CSMD3: variants seen among roughly 807,000 people sequenced by gnomAD.
The protein encoded by CSMD3 is CUB and sushi domain-containing protein 3.
Under a neutral mutation model 435.2 loss-of-function variants are expected in CSMD3, and 177 were observed. That is an observed-to-expected ratio of 0.41 (90% confidence interval 0.36 to 0.46). CSMD3 has a LOEUF of 0.46. Ranked by LOEUF, CSMD3 falls within the 20% of genes least tolerant of loss-of-function variation. CSMD3 has a pLI of 0.34. For missense variants in CSMD3, 4,265 were observed against 4,504.6 expected (o/e 0.95, Z 1.52); for synonymous variants, 1,656 against 1,520.5 (o/e 1.09, Z -2.07).
At chr8:112,405,247 A>AC (rs1831738274) in intron 35 of CSMD3, among the ~76,000 whole-genome samples, 2 of 116,860 alleles carry the variant, frequency 1.7e-5, no homozygotes, top group African/African-American at 4.4e-5. Flanking sequence ...ATATATATAT[A>AC]CATATATATA....
intron 12 of CSMD3, among the ~76,000 whole-genome samples, chr8:112,826,545 C>T (rs958844058): frequency 6.6e-6 from 1 of 152,148 alleles, no homozygotes; most frequent in Non-Finnish European, 1.5e-5. Context: ...CACACTCCCT[C>T]ACCACCTCCC....
intron 2 of CSMD3, among the ~76,000 whole-genome samples, chr8:113,289,733 G>T (rs966228358): frequency 6.6e-6 from 1 of 151,468 alleles, no homozygotes; most frequent in Non-Finnish European, 1.5e-5. Context: ...TAATTTTACT[G>T]TATTTCTTTA....
intron 38 of CSMD3, among the ~76,000 whole-genome samples, chr8:112,355,608 T>G (rs993120438): frequency 7.2e-5 from 11 of 152,112 alleles, no homozygotes; most frequent in African/African-American, 2.4e-4. Flanking sequence ...CTGAGGCAGG[T>G]GCATCACGAG....
chr8:112,937,219 T>C (rs910498486), intron 9 of CSMD3, among the ~76,000 whole-genome samples: 2 of 152,180 alleles, frequency 1.3e-5, no homozygotes, highest in Non-Finnish European at 1.5e-5. Flanking sequence ...TATATATTTA[T>C]ACAACTTGAA....
At chr8:112,610,326 G>A (rs1338066234) in intron 22 of CSMD3, among the ~76,000 whole-genome samples, 1 of 145,818 alleles carries the variant, frequency 6.9e-6, no homozygotes, top group African/African-American at 2.5e-5. Context: ...CCTCAGTAAA[G>A]CTAAAATTAA....
chr8:112,522,111 A>C (rs539706282), intron 27 of CSMD3, among the ~76,000 whole-genome samples: 1 of 151,950 alleles, frequency 6.6e-6, no homozygotes, highest in African/African-American at 2.4e-5. Context: ...ATAATAAATT[A>C]GAAATACATT....
intron 24 of CSMD3, among the ~76,000 whole-genome samples, chr8:112,562,165 A>T (rs961515717): frequency 2.6e-5 from 4 of 151,696 alleles, no homozygotes; most frequent in African/African-American, 9.7e-5. Context: ...TTACTAAAAG[A>T]TAAATAGTAA....
chr8:112,283,298 A>G (rs1232407660), intron 58 of CSMD3, among the ~76,000 whole-genome samples: 2 of 151,754 alleles, frequency 1.3e-5, no homozygotes, highest in Non-Finnish European at 3.0e-5. Flanking sequence ...AGTATATTTT[A>G]TATGTTTGCC....
rs924426874 is a variant in CSMD3, at chr8:113,083,647, C to A, written c.917+15109G>T. On this transcript the variant is annotated intron_variant, in intron 5 of 70. Transcript: ENST00000297405. ...AAGAGAGGAAGAAACAAATAATATA[C>A]AAAACAATAAGAAAACAACAAAATA... Among the ~76,000 whole-genome samples, 5 of 152,038 alleles carry A rather than the reference C, an allele frequency of 3.3e-5. No homozygotes were observed. The East Asian group carries it at 9.7e-4, about 29-fold the overall frequency.
intron 13 of CSMD3, among the ~76,000 whole-genome samples, chr8:112,697,679 T>C (rs930190539): frequency 6.6e-6 from 1 of 152,044 alleles, no homozygotes; most frequent in Non-Finnish European, 1.5e-5. Flanking sequence ...ATGACGCATG[T>C]ATACATATGT....
intron 2 of CSMD3, among the ~76,000 whole-genome samples, chr8:113,308,361 C>G (rs1178812357): frequency 1.3e-5 from 2 of 149,906 alleles, no homozygotes; most frequent in Admixed American, 1.3e-4. Context: ...CTCCGCCTCC[C>G]GGGTTCACGC....
At position 113,276,371 on chromosome 8, in the gene CSMD3, T is replaced by C. The variant is rs73337713; in HGVS notation, c.514+2221A>G. On this transcript the variant is annotated intron_variant, in intron 3 of 70. Coordinates refer to ENST00000297405, the MANE Select transcript of CSMD3 (RefSeq NM_198123.2). ...GTGGAGGGAGAAAGTAGCAGACAGA[T>C]ACATCAGAGGGGAAATCAAAGATTC... 3.5e-3 allele frequency among the ~76,000 whole-genome samples: 538 copies of C among 152,076 alleles called. 2 individuals carry two copies. Among genetic ancestry groups the C allele is most frequent in the African/African-American group, 0.012 (501 of 41,518 alleles).
At chr8:112,877,374 T>A (rs997463976) in intron 10 of CSMD3, among the ~76,000 whole-genome samples, 22 of 152,044 alleles carry the variant, frequency 1.4e-4, no homozygotes, top group African/African-American at 5.3e-4. Context: ...CAAGTGATTC[T>A]CTAGACTCAG....
chr8:113,178,678 G>A (rs2092381913), intron 3 of CSMD3, among the ~76,000 whole-genome samples: 1 of 151,812 alleles, frequency 6.6e-6, no homozygotes, highest in African/African-American at 2.4e-5. Flanking sequence ...TAAAAAGTTA[G>A]TTTTTGTTTG....
chr8:112,307,846 G>T (rs1409076034), intron 50 of CSMD3, among the ~76,000 whole-genome samples: 1 of 152,104 alleles, frequency 6.6e-6, no homozygotes, highest in Non-Finnish European at 1.5e-5. Context: ...GATGAGTTTA[G>T]TTTAAATATT....
chr8:112,700,342 A>G (rs1281302796), intron 13 of CSMD3, among the ~76,000 whole-genome samples: 1 of 152,024 alleles, frequency 6.6e-6, no homozygotes, highest in Non-Finnish European at 1.5e-5. Flanking sequence ...CTCTTCTAAA[A>G]ATACAAAAAT....
At chr8:112,503,134 T>G (rs1348170040) in intron 30 of CSMD3, among the ~76,000 whole-genome samples, 3 of 152,214 alleles carry the variant, frequency 2.0e-5, no homozygotes, top group Non-Finnish European at 4.4e-5. Flanking sequence ...CAGGCTGGCC[T>G]GCAGTGGCAT....
intron 3 of CSMD3, among the ~76,000 whole-genome samples, chr8:113,185,729 G>A (rs906926906): frequency 6.7e-6 from 1 of 149,546 alleles, no homozygotes; most frequent in Admixed American, 6.6e-5. Flanking sequence ...GTGTGTGTGT[G>A]TGCATGCATG....
At chr8:112,255,548 A>G (rs1815704157) in intron 61 of CSMD3, 121 bp from the exon 62 acceptor site, 1 of 853,436 alleles carries the variant, frequency 1.2e-6, no homozygotes, top group African/African-American at 1.7e-5. Flanking sequence ...TTCATGATAA[A>G]GCTATCCCAA....
Sources: allele counts gnomAD v4.1 joint callset (sites outside exome capture counted in the v4.1 genomes callset), GRCh38; gene constraint gnomAD v4.1.1; transcripts MANE v1.5; gene names NCBI Gene and HGNC (gene_info 2026-07-23, HGNC 2026-07-21).